The following TG variants were observed in gnomAD, a reference collection of about 807,000 sequenced individuals.
TG encodes thyroglobulin, also known as thyroid hormones.
In TG, 270 loss-of-function variants were observed where a neutral mutation model predicts 324.7. The observed-to-expected ratio is 0.83, with a 90% CI of 0.75 to 0.92. The LOEUF is 0.92. Ranked by LOEUF, TG falls within the 40% of genes least tolerant of loss-of-function variation. TG has a pLI of 0.00. For missense variants in TG, 3,591 were observed against 3,456.4 expected (o/e 1.04, Z -0.98); for synonymous variants, 1,401 against 1,327.0 (o/e 1.06, Z -1.21).
intron 41 of TG, among the ~76,000 whole-genome samples, chr8:133,082,511 C>T (rs1469720256): frequency 6.6e-6 from 1 of 152,234 alleles, no homozygotes; most frequent in African/African-American, 2.4e-5. Flanking sequence ...TGGAATTATC[C>T]TGATAATCGA....
chr8:132,984,199 G>T lies in TG; in HGVS notation c.6262+787G>T, dbSNP rs141638506. On this transcript the variant is annotated intron_variant, in intron 35 of 47. Transcript: ENST00000220616. ...TGTCCTGTGACATGATGTCTAAGGG[G>T]CCCTAGAAATCTGTCATTATGGCTA... Among the ~76,000 whole-genome samples the T allele has an allele frequency of 2.8e-3, 427 of 152,356 alleles. 2 individuals carry two copies. The highest frequency in any genetic ancestry group is 1.0e-2 in the African/African-American group (414 of 41,582).
intron 41 of TG, chr8:133,073,107 A>G (rs974057340): frequency 6.6e-6 from 1 of 152,210 alleles, no homozygotes; most frequent in African/African-American, 2.4e-5. Flanking sequence ...TCTTCTTTTT[A>G]CAAGGAAAAT....
At chr8:132,868,958 C>T (rs1839223066) in intron 2 of TG, among the ~76,000 whole-genome samples, 1 of 152,234 alleles carries the variant, frequency 6.6e-6, no homozygotes, top group Non-Finnish European at 1.5e-5. Context: ...AAACCTCCCT[C>T]CCTGCTGCTA....
At chr8:132,928,196 A>G (rs1040992399) in intron 22 of TG, among the ~76,000 whole-genome samples, 1 of 152,244 alleles carries the variant, frequency 6.6e-6, no homozygotes, top group Non-Finnish European at 1.5e-5. Flanking sequence ...TGACTTGATG[A>G]AAACCCATCT....
At position 133,096,267 on chromosome 8, in the gene TG, G is replaced by A. The variant is rs143135039; in HGVS notation, c.7466G>A (p.Arg2489His). ...CCTGTGATCGATGGCCACTTCCTCC[G>A]TGAGCCTCCAGCCAGAGCACTGAAG... ...WGPVIDGHFL[R>H]EPPARALKRS... The change falls in exon 43 of 48, where the codon CGT (arginine) becomes CAT (histidine). Residue 2489 changes from arginine (R) to histidine (H), a missense_variant. Arg to His is a conservative substitution (Grantham distance 29). Coordinates refer to ENST00000220616, the MANE Select transcript of TG (RefSeq NM_003235.5). 41 of 1,614,166 alleles carry A rather than the reference G, an allele frequency of 2.5e-5. No homozygotes were observed. The highest frequency in any genetic ancestry group is 1.5e-4 in the African/African-American group (11 of 75,026).
chr8:132,985,727 G>A (rs1254344184), intron 35 of TG, among the ~76,000 whole-genome samples: 3 of 152,106 alleles, frequency 2.0e-5, no homozygotes, highest in Non-Finnish European at 4.4e-5. Flanking sequence ...AAAGGCCTGG[G>A]GAGCTGCAGA....
intron 41 of TG, chr8:133,060,495 A>T: frequency 1.2e-6 from 1 of 834,476 alleles, no homozygotes. Context: ...CAGCCACAGC[A>T]GGGTTTGTGT....
At chr8:132,954,654 C>G (rs889812730) in intron 27 of TG, among the ~76,000 whole-genome samples, 4 of 152,180 alleles carry the variant, frequency 2.6e-5, no homozygotes, top group Admixed American at 2.0e-4. Context: ...GCAGCTGTGG[C>G]TTTCGGCAGC....
Position 133,045,144 on chromosome 8 carries a change from G to A in TG, c.7239+15121G>A, listed in dbSNP as rs753074195. On this transcript the variant is annotated intron_variant, in intron 41 of 47. Coordinates refer to ENST00000220616, the MANE Select transcript of TG (RefSeq NM_003235.5). ...CAGGAGGTGGAGGATAAGTCAGTGG[G>A]CTCCACCTGTCCTCACCCCAAGGCA... 4 of 1,612,722 alleles carry A rather than the reference G, an allele frequency of 2.5e-6. No individual in the cohort carries two copies. The South Asian group carries it at 4.4e-5, about 18-fold the overall frequency.
rs559251862 is a variant in TG at position 133,123,977 on chromosome 8, A to T, written c.7862+7261A>T. On this transcript the variant is annotated intron_variant, in intron 45 of 47. Coordinates refer to ENST00000220616, the MANE Select transcript of TG (RefSeq NM_003235.5). The stretch of plus-strand genomic sequence containing the variant: ...GCCTGGCAGAGAGTGAACACTGATT[A>T]GGTGAGCATTACTAATGCTGCTTCG... Among the ~76,000 whole-genome samples the T allele has an allele frequency of 1.2e-3, 189 of 152,390 alleles. 1 individual carries two copies. Among genetic ancestry groups the T allele is most frequent in the African/African-American group, 4.4e-3 (185 of 41,596 alleles).
At chr8:133,087,557 T>C (rs981861441) in intron 41 of TG, among the ~76,000 whole-genome samples, 1 of 152,236 alleles carries the variant, frequency 6.6e-6, no homozygotes, top group Middle Eastern at 3.2e-3. Context: ...AATGACTGTT[T>C]CCATTTTGAC....
chr8:132,988,068 A>G (rs987757615), intron 35 of TG, among the ~76,000 whole-genome samples: 10 of 132,066 alleles, frequency 7.6e-5, no homozygotes, highest in Admixed American at 4.5e-4. Flanking sequence ...ACACATGCAC[A>G]CACACACACA....
At chr8:132,906,638 GT>G (rs1300868190) in intron 16 of TG, 49 bp from the exon 17 acceptor site, 1 of 1,605,960 alleles carries the variant, frequency 6.2e-7, no homozygotes, top group Non-Finnish European at 8.5e-7. Context: ...ATGCTCAGTC[GT>G]CCCGAGGCTG....
chr8:133,031,643 TC>T (rs771755791), intron 41 of TG, among the ~76,000 whole-genome samples: 46 of 152,126 alleles, frequency 3.0e-4, no homozygotes, highest in Non-Finnish European at 3.2e-4. Flanking sequence ...AAACTCTTGA[TC>T]CTAGGAGGGT....
chr8:133,082,572 C>T (rs752287660), intron 41 of TG, among the ~76,000 whole-genome samples: 17 of 152,156 alleles, frequency 1.1e-4, no homozygotes, highest in Non-Finnish European at 1.6e-4. Flanking sequence ...GTGGAAACAG[C>T]GGCTGGACAT....
At chr8:132,872,970 C>A in intron 4 of TG, 92 bp from the exon 5 acceptor site, 1 of 1,355,980 alleles carries the variant, frequency 7.4e-7, no homozygotes, top group Non-Finnish European at 1.0e-6. Context: ...AGCTCATCCC[C>A]ATTGCTAAGG....
At chr8:133,013,201 T>A (rs1834674895) in intron 36 of TG, among the ~76,000 whole-genome samples, 1 of 152,244 alleles carries the variant, frequency 6.6e-6, no homozygotes, top group Non-Finnish European at 1.5e-5. Flanking sequence ...GCTACCATTT[T>A]ATTTCCATCC....
At chr8:132,897,911 A>C (rs1203675481) in intron 12 of TG, 125 bp downstream of exon 12, 1 of 1,236,282 alleles carries the variant, frequency 8.1e-7, no homozygotes, top group Non-Finnish European at 1.2e-6. Flanking sequence ...CTGGTGAAAA[A>C]TTCCTTAGCT....
Position 132,969,871 on chromosome 8 carries a change from G to A in TG, c.5975+302G>A, listed in dbSNP as rs370891785. On this transcript the variant is annotated intron_variant, in intron 32 of 47. Coordinates refer to ENST00000220616, the MANE Select transcript of TG (RefSeq NM_003235.5). ...GGAGGTTGCAGTGAGCTGAGATTGC[G>A]CCACTGCACTCCAGCCTAGCAACAG... 1.0e-3 allele frequency among the ~76,000 whole-genome samples: 136 copies of A among 134,350 alleles called. 1 individual carries two copies. Among genetic ancestry groups the A allele is most frequent in the African/African-American group, 3.4e-3 (119 of 34,960 alleles). The allele number at this position is 134,350 out of a possible 152,430, so 88.1% of individuals were successfully genotyped here.
Sources: gnomAD v4.1 joint callset for allele counts (sites outside exome capture counted in the v4.1 genomes callset) on GRCh38, gnomAD v4.1.1 for gene constraint, MANE v1.5 for transcripts, NCBI Gene and HGNC (gene_info 2026-07-23, HGNC 2026-07-21) for gene names.